The following PRKG1 variants were observed in gnomAD, a reference collection of about 807,000 sequenced individuals.
PRKG1 encodes protein kinase cGMP-dependent 1.
In PRKG1, 35 loss-of-function variants were observed where a neutral mutation model predicts 88.1. That is an observed-to-expected ratio of 0.40 (90% CI 0.30 to 0.53). The LOEUF (loss-of-function observed/expected upper bound fraction) is 0.53. Ranked by LOEUF, PRKG1 falls within the 20% of genes least tolerant of loss-of-function variation. The pLI is 0.59. For synonymous variants in PRKG1, 303 were observed against 292.5 expected (o/e 1.04, Z -0.37); for missense variants, 540 against 839.8 (o/e 0.64, Z 4.41).
At chr10:51,294,901 T>C (rs991364760) in intron 2 of PRKG1, among the ~76,000 whole-genome samples, 1 of 152,046 alleles carries the variant, frequency 6.6e-6, no homozygotes, top group African/African-American at 2.4e-5. Context: ...AACAAAACTC[T>C]GTCTCTTCAA....
At chr10:51,022,077 C>G (rs1212281217) in intron 1 of PRKG1, among the ~76,000 whole-genome samples, 1 of 152,200 alleles carries the variant, frequency 6.6e-6, no homozygotes, top group Non-Finnish European at 1.5e-5. Context: ...TAATATCTGA[C>G]CTTGAGCTCC....
At chr10:51,513,752 TAC>T (rs1369032316) in intron 3 of PRKG1, among the ~76,000 whole-genome samples, 1 of 90,636 alleles carries the variant, frequency 1.1e-5, no homozygotes, top group Non-Finnish European at 2.2e-5. Context: ...GACTACTGGG[TAC>T]ATAACGAAAT....
At chr10:51,405,994 G>T (rs771981189) in intron 2 of PRKG1, among the ~76,000 whole-genome samples, 16 of 152,268 alleles carry the variant, frequency 1.1e-4, no homozygotes, top group Non-Finnish European at 1.9e-4. Flanking sequence ...CATGCTGTTT[G>T]TTCCTTTCTC....
At chr10:51,223,797 A>T (rs1838615697) in intron 2 of PRKG1, among the ~76,000 whole-genome samples, 1 of 152,226 alleles carries the variant, frequency 6.6e-6, no homozygotes, top group Non-Finnish European at 1.5e-5. Context: ...GACTTGACAG[A>T]TAAAAGTATG....
At chr10:51,705,160 T>C (rs895214698) in intron 3 of PRKG1, among the ~76,000 whole-genome samples, 1 of 152,186 alleles carries the variant, frequency 6.6e-6, no homozygotes, top group Non-Finnish European at 1.5e-5. Context: ...GCTTCCTTTT[T>C]TCCTCTTCTT....
intron 3 of PRKG1, among the ~76,000 whole-genome samples, chr10:51,485,168 G>A (rs1840493027): frequency 6.6e-6 from 1 of 152,128 alleles, no homozygotes; most frequent in Non-Finnish European, 1.5e-5. Context: ...ATTAGTAAAT[G>A]CCAATTACCT....
At chr10:51,131,350 A>T (rs112203043) in intron 1 of PRKG1, among the ~76,000 whole-genome samples, 8 of 152,222 alleles carry the variant, frequency 5.3e-5, no homozygotes, top group Non-Finnish European at 1.0e-4. Context: ...AAATCTAATT[A>T]TCTCATTGTA....
chr10:51,931,024 T>C (rs1383222520), intron 5 of PRKG1, among the ~76,000 whole-genome samples: 1 of 152,172 alleles, frequency 6.6e-6, no homozygotes, highest in Non-Finnish European at 1.5e-5. Context: ...TAGCTACTGC[T>C]CTTATTGAGG....
intron 2 of PRKG1, among the ~76,000 whole-genome samples, chr10:51,348,654 C>T (rs570019708): frequency 3.9e-4 from 60 of 152,314 alleles, no homozygotes; most frequent in African/African-American, 1.4e-3. Context: ...CAGGTATCAA[C>T]CTGTAGTGAA....
At chr10:51,754,794 T>C (rs1354531838) in intron 3 of PRKG1, among the ~76,000 whole-genome samples, 1 of 152,146 alleles carries the variant, frequency 6.6e-6, no homozygotes, top group African/African-American at 2.4e-5. Context: ...TCAGATAAAC[T>C]ATTTAAATAC....
Position 51,721,250 on chromosome 10 carries a change from A to G in PRKG1, c.593-83335A>G, listed in dbSNP as rs375217914. Among the ~76,000 whole-genome samples the G allele has an allele frequency of 4.6e-5, 7 of 151,916 alleles. No homozygotes were observed. In the East Asian group the frequency reaches 1.4e-3, roughly 29 times the overall value. Reference sequence around the variant, plus strand: ...AAAAAAAAGAAAAAAAAAGTAAAACACTTAACATTGGCAAACATTCAATAA... The same window carrying G: ...AAAAAAAAGAAAAAAAAAGTAAAACGCTTAACATTGGCAAACATTCAATAA... On this transcript the variant is annotated intron_variant, in intron 3 of 17. Transcript: ENST00000373980.
At chr10:51,269,069 G>A (rs1277123688) in intron 2 of PRKG1, among the ~76,000 whole-genome samples, 1 of 152,102 alleles carries the variant, frequency 6.6e-6, no homozygotes, top group East Asian at 1.9e-4. Context: ...GGGCATGAAT[G>A]AACAATTCTC....
chr10:51,297,845 CATT>C (rs1422420182), intron 2 of PRKG1, among the ~76,000 whole-genome samples: 1 of 152,046 alleles, frequency 6.6e-6, no homozygotes, highest in Non-Finnish European at 1.5e-5. Context: ...TAATGCCTCC[CATT>C]ATTTTCTCTT....
At chr10:51,858,733 C>A (rs1252773277) in intron 4 of PRKG1, among the ~76,000 whole-genome samples, 2 of 151,630 alleles carry the variant, frequency 1.3e-5, no homozygotes, top group East Asian at 1.9e-4. Context: ...GAAGGAGGTA[C>A]CTTCAAAAGG....
chr10:51,553,830 TAA>T (rs1271517033), intron 3 of PRKG1, among the ~76,000 whole-genome samples: 6 of 100,632 alleles, frequency 6.0e-5, no homozygotes, highest in African/African-American at 1.7e-4. Flanking sequence ...TACGTGTATA[TAA>T]TATATGTATG....
chr10:52,155,441 G>T (rs1367051735), intron 8 of PRKG1, among the ~76,000 whole-genome samples: 1 of 151,804 alleles, frequency 6.6e-6, no homozygotes, highest in South Asian at 2.1e-4. Context: ...AAAAAATCGA[G>T]AAGTTTAGTC....
chr10:51,310,204 T>G (rs955407103), intron 2 of PRKG1, among the ~76,000 whole-genome samples: 3 of 152,148 alleles, frequency 2.0e-5, no homozygotes, highest in Admixed American at 1.3e-4. Flanking sequence ...ACACAATATA[T>G]CTATATAACA....
intron 2 of PRKG1, among the ~76,000 whole-genome samples, chr10:51,243,449 C>T (rs61849745): frequency 0.035 from 5,254 of 152,216 alleles, 154 homozygotes; most frequent in Middle Eastern, 0.092. Flanking sequence ...ATTGCTCTGG[C>T]GGACCTTATG....
intron 2 of PRKG1, among the ~76,000 whole-genome samples, chr10:51,241,862 CA>C (rs1168628239): frequency 6.6e-6 from 1 of 151,972 alleles, no homozygotes; most frequent in Non-Finnish European, 1.5e-5. Context: ...TCCAGTAGTC[CA>C]AAGCCAATTT....
Sources: gnomAD v4.1 joint callset for allele counts (sites outside exome capture counted in the v4.1 genomes callset) on GRCh38, gnomAD v4.1.1 for gene constraint, MANE v1.5 for transcripts, NCBI Gene and HGNC (gene_info 2026-07-23, HGNC 2026-07-21) for gene names.